The following NPHP4 variants were observed in gnomAD, a reference collection of about 807,000 sequenced individuals.
The protein encoded by NPHP4 is nephrocystin-4.
NPHP4 carries 151 observed loss-of-function variants against 155.8 expected under a neutral mutation model. The ratio of observed to expected loss-of-function variants is 0.97; its 90% CI spans 0.85 to 1.11. The LOEUF (loss-of-function observed/expected upper bound fraction) is 1.11, where lower values mean the gene tolerates loss of function less well. Among genes scored for constraint, NPHP4 ranks in the 50% least tolerant of loss-of-function variants. NPHP4 has a pLI of 0.00. For missense variants in NPHP4, 1,956 were observed against 1,925.7 expected (o/e 1.02, Z -0.29); for synonymous variants, 845 against 816.8 (o/e 1.03, Z -0.59).
rs568707497 is a variant in NPHP4, at chr1:5,949,308, G to C, written c.811-1057C>G. 2.9e-5 allele frequency among the ~76,000 whole-genome samples: 4 copies of C among 137,876 alleles called. No individual in the cohort carries two copies. In the East Asian group the frequency reaches 8.2e-4, roughly 28 times the overall value. The allele number at this position is 137,876 out of a possible 152,430, so 90.5% of individuals were successfully genotyped here. On this transcript the variant is annotated intron_variant, in intron 7 of 29. Coordinates refer to ENST00000378156, the MANE Select transcript of NPHP4 (RefSeq NM_015102.5). ...TGTAGAACTGCATTTTCAAGAACGG[G>C]TAGGGAGCAAACAAGTCCAGCTCAT...
chr1:5,947,174 C>T lies in NPHP4; in HGVS notation c.1049G>A (p.Gly350Asp). Residue 350 changes from glycine to aspartate, a missense_variant, in exon 9 of 30, where the codon GGC (glycine) becomes GAC (aspartate). Transcript: ENST00000378156. ...RSRLRLPEMV[G>D]HPAFAVIFQL... ...GAAGATGACCGCAAATGCAGGGTGG[C>T]CGACCATCTCTGGGAGGCGGAGGCG... 1 of 1,613,926 alleles carries T rather than the reference C, an allele frequency of 6.2e-7. No individual in the cohort carries two copies. Among genetic ancestry groups the T allele is most frequent in the Non-Finnish European group, 8.5e-7 (1 of 1,179,862 alleles).
intron 5 of NPHP4, among the ~76,000 whole-genome samples, chr1:5,966,930 G>A (rs1462111254): frequency 1.3e-5 from 2 of 152,224 alleles, no homozygotes; most frequent in African/African-American, 4.8e-5. Context: ...TCTCAGCCAT[G>A]GGGCCTTGCC....
chr1:5,925,924 T>A (rs1356642154), intron 11 of NPHP4, among the ~76,000 whole-genome samples: 1 of 152,220 alleles, frequency 6.6e-6, no homozygotes, highest in African/African-American at 2.4e-5. Context: ...CAGGAATGGG[T>A]TGTTTTAAAT....
At chr1:5,891,410 C>T (rs1644119953) in intron 16 of NPHP4, among the ~76,000 whole-genome samples, 2 of 152,174 alleles carry the variant, frequency 1.3e-5, no homozygotes, top group African/African-American at 4.8e-5. Flanking sequence ...GGCATGTTCA[C>T]ACACACAGGC....
chr1:5,885,967 T>A (rs1043834968), intron 18 of NPHP4, among the ~76,000 whole-genome samples: 1 of 152,172 alleles, frequency 6.6e-6, no homozygotes, highest in African/African-American at 2.4e-5. Context: ...TATCTCAGCC[T>A]CCCCTTCCTA....
chr1:5,863,528 G>A (rs1258766210), intron 29 of NPHP4, 123 bp from the exon 30 acceptor site: 6 of 1,196,172 alleles, frequency 5.0e-6, no homozygotes, highest in Non-Finnish European at 6.1e-6. Context: ...AGCCCTGCGG[G>A]TGCATCCAAG....
In NPHP4 at chr1:5,890,917, C is replaced by T. The variant is rs1256861705; in HGVS notation, c.2255G>A (p.Trp752Ter). The change falls in exon 17 of 30, where the codon TGG becomes TAG. Residue 752 changes from tryptophan (W) to a stop codon, truncating the protein, a stop_gained. Transcript: ENST00000378156. LOFTEE classifies it high-confidence loss of function. This position sits in a 1 kb window ranked among gnomAD's most constrained non-coding sequence, Gnocchi z 4.9. ...GATGAGCAGCAGGGAGTCTCCGTCC[C>T]AGACGTCAATCTGCAGGGTCTGCAC... ...LAVQTLQIDV[W>*]DGDSLLLIGS... 2 of 1,610,364 alleles carry T rather than the reference C, an allele frequency of 1.2e-6. No homozygotes were observed. The highest frequency in any genetic ancestry group is 2.7e-5 in the African/African-American group (2 of 74,866).
rs1640814195 is a variant in NPHP4 at position 5,863,202 on chromosome 1, G to A, written c.*63C>T. The A allele has an allele frequency of 1.9e-6, 3 of 1,574,950 alleles. No individual in the cohort carries two copies. Among genetic ancestry groups the A allele is most frequent in the Non-Finnish European group, 2.6e-6 (3 of 1,145,636 alleles). The stretch of plus-strand genomic sequence containing the variant: ...AGAGAGGCGGGGAGGACAGCCTGCA[G>A]GGCAGGAGGGGCACAGACAGGCCCC... On this transcript the variant is annotated 3_prime_UTR_variant, in exon 30 of 30. Transcript: ENST00000378156.
chr1:5,936,325 G>A (rs1025637961), intron 9 of NPHP4, among the ~76,000 whole-genome samples: 4 of 152,186 alleles, frequency 2.6e-5, no homozygotes, highest in African/African-American at 9.7e-5. Flanking sequence ...CTTGCTCACT[G>A]CCAGCCCACA....
chr1:5,905,267 A>C lies in NPHP4; in HGVS notation c.1955+25T>G, dbSNP rs1644857982. The C allele has an allele frequency of 6.3e-7, 1 of 1,574,924 alleles. No individual in the cohort carries two copies. The highest frequency in any genetic ancestry group is 1.7e-5 in the Admixed American group (1 of 59,942). ...ACACAGGAAATGTGAAAGCCAGATG[A>C]GTAACAGAATATTCAAGGATTTACC... On this transcript the variant is annotated intron_variant, in intron 15 of 29. Coordinates refer to ENST00000378156, the MANE Select transcript of NPHP4 (RefSeq NM_015102.5). The surrounding 1 kb of genome is among the most constrained non-coding windows in gnomAD (Gnocchi z 4.0).
chr1:5,906,335 C>G (rs1644913127), intron 13 of NPHP4, among the ~76,000 whole-genome samples: 1 of 152,254 alleles, frequency 6.6e-6, no homozygotes, highest in African/African-American at 2.4e-5. Flanking sequence ...CCGAGGCAGG[C>G]CTCTCAGAGA....
chr1:5,967,419 A>G, intron 4 of NPHP4, 56 bp from the exon 5 acceptor site: 1 of 1,398,938 alleles, frequency 7.1e-7, no homozygotes, highest in South Asian at 1.2e-5. Flanking sequence ...TCTCAGAAGG[A>G]AAGCACATGG....
chr1:5,864,059 G>A (rs369888235), intron 28 of NPHP4, 26 bp from the exon 29 acceptor site: 13 of 1,608,976 alleles, frequency 8.1e-6, no homozygotes, highest in African/African-American at 4.0e-5. Context: ...ACAGGGAGAC[G>A]CTGCGGCCAC....
At chr1:5,954,734 T>C (rs749435366) in intron 6 of NPHP4, among the ~76,000 whole-genome samples, 2 of 152,184 alleles carry the variant, frequency 1.3e-5, no homozygotes, top group Admixed American at 6.5e-5. Context: ...AACCTGAAAC[T>C]ATGAAACTAC....
chr1:5,899,318 C>T (rs911806829), intron 16 of NPHP4, among the ~76,000 whole-genome samples: 1 of 152,168 alleles, frequency 6.6e-6, no homozygotes, highest in Non-Finnish European at 1.5e-5. Context: ...CTGGGCTTCT[C>T]TACAGCCAGG....
chr1:5,954,469 T>C (rs950626323), intron 6 of NPHP4, among the ~76,000 whole-genome samples: 1 of 152,236 alleles, frequency 6.6e-6, no homozygotes, highest in African/African-American at 2.4e-5. Context: ...TATAGTTTTC[T>C]ATATTGTCCC....
At position 5,888,861 on chromosome 1, in the gene NPHP4, G is replaced by A. The variant is rs546238264; in HGVS notation, c.2305-1395C>T. Among the ~76,000 whole-genome samples, 4 of 152,292 alleles carry A rather than the reference G, an allele frequency of 2.6e-5. 1 individual carries two copies. In the South Asian group the frequency reaches 6.2e-4, roughly 24 times the overall value. ...GGCTCTGCATGCCTGCGGCCCTCACGGTGGCACCATCAGAATTCTACTTCC... is the reference window on the plus strand; with the variant it reads ...GGCTCTGCATGCCTGCGGCCCTCACAGTGGCACCATCAGAATTCTACTTCC... On this transcript the variant is annotated intron_variant, in intron 17 of 29. Coordinates refer to ENST00000378156, the MANE Select transcript of NPHP4 (RefSeq NM_015102.5).
rs531810842 is a variant in NPHP4 at position 5,980,231 on chromosome 1, G to A, written c.136-1818C>T. Reference sequence around the variant, plus strand: ...CCCTGCGCTTCCCCAGGTGGCCTGTGGGACATGGCCTACCCCTCGTCTTGG... The same window carrying A: ...CCCTGCGCTTCCCCAGGTGGCCTGTAGGACATGGCCTACCCCTCGTCTTGG... On this transcript the variant is annotated intron_variant, in intron 2 of 29. Coordinates refer to ENST00000378156, the MANE Select transcript of NPHP4 (RefSeq NM_015102.5). Among the ~76,000 whole-genome samples, 3 of 152,298 alleles carry A rather than the reference G, an allele frequency of 2.0e-5. No individual in the cohort carries two copies. The South Asian group carries it at 6.2e-4, about 32-fold the overall frequency.
chr1:5,932,066 C>T (rs958629954), intron 10 of NPHP4, among the ~76,000 whole-genome samples: 8 of 151,728 alleles, frequency 5.3e-5, no homozygotes, highest in Middle Eastern at 3.4e-3. Context: ...GAGTAAGACC[C>T]TGTCTCAAAA....
Sources: gnomAD v4.1 joint callset for allele counts (sites outside exome capture counted in the v4.1 genomes callset) on GRCh38, gnomAD v4.1.1 for gene constraint, Gnocchi (gnomAD v3.1) non-coding constraint, MANE v1.5 for transcripts, NCBI Gene and HGNC (gene_info 2026-07-23, HGNC 2026-07-21) for gene names.